Variants in GOT1 observed in about 807,000 individuals in gnomAD.
The protein encoded by GOT1 is aspartate aminotransferase, cytoplasmic.
In GOT1, 25 loss-of-function variants were observed where a neutral mutation model predicts 48.2. The observed-to-expected ratio is 0.52, with a 90% CI of 0.38 to 0.72. The LOEUF (loss-of-function observed/expected upper bound fraction) is 0.72, where lower values mean the gene tolerates loss of function less well. GOT1 is among the 30% of genes least tolerant of loss of function. GOT1 has a pLI of 0.00. For synonymous variants in GOT1, 188 were observed against 193.8 expected (o/e 0.97, Z 0.25); for missense variants, 380 against 520.1 (o/e 0.73, Z 2.62).
At chr10:99,403,932 C>T in intron 5 of GOT1, 58 bp from the exon 6 acceptor site, 3 of 1,561,278 alleles carry the variant, frequency 1.9e-6, no homozygotes, top group South Asian at 2.2e-5. Flanking sequence ...ACCTCAGACA[C>T]CGGCCTTCCT....
At chr10:99,413,935 A>T (rs1314433564) in intron 2 of GOT1, among the ~76,000 whole-genome samples, 1 of 152,250 alleles carries the variant, frequency 6.6e-6, no homozygotes, top group African/African-American at 2.4e-5. Flanking sequence ...GAGCTCCTGA[A>T]GGAAGCACTA....
intron 2 of GOT1, among the ~76,000 whole-genome samples, chr10:99,407,796 T>TTTAC: frequency 6.6e-6 from 1 of 151,354 alleles, no homozygotes; most frequent in East Asian, 1.9e-4. Flanking sequence ...TATTTATTTA[T>TTTAC]TTATTTATTT....
intron 2 of GOT1, among the ~76,000 whole-genome samples, chr10:99,417,122 T>C (rs1329800278): frequency 6.6e-6 from 1 of 152,128 alleles, no homozygotes; most frequent in African/African-American, 2.4e-5. Context: ...CAAAAGAAAC[T>C]ACCATCAGAG....
At chr10:99,400,583 C>T (rs1385614790) in intron 8 of GOT1, among the ~76,000 whole-genome samples, 1 of 151,950 alleles carries the variant, frequency 6.6e-6, no homozygotes, top group Non-Finnish European at 1.5e-5. Context: ...GTTGCAGTGG[C>T]CCGAGATTGC....
At chr10:99,406,994 C>A in intron 2 of GOT1, 145 bp from the exon 3 acceptor site, 1 of 711,056 alleles carries the variant, frequency 1.4e-6, no homozygotes, top group Admixed American at 2.7e-5. Context: ...CTTACAACTA[C>A]TACATGAAAA....
chr10:99,419,349 A>G (rs1053851283), intron 2 of GOT1, among the ~76,000 whole-genome samples: 9 of 152,114 alleles, frequency 5.9e-5, no homozygotes, highest in African/African-American at 2.2e-4. Context: ...TTCTTCAAAC[A>G]ACACTTTTAT....
rs530841897 is a variant in GOT1 at position 99,398,814 on chromosome 10, A to G, written c.1103-1128T>C. On this transcript the variant is annotated intron_variant, in intron 8 of 8. Transcript: ENST00000370508. ...TGCCAGGCAGTGTTCTAAGCACTGC[A>G]TCTTAGTTCATCCTGATAATAACTT... Among the ~76,000 whole-genome samples the G allele has an allele frequency of 2.9e-3, 443 of 152,338 alleles. 8 individuals are homozygous for G. The highest frequency in any genetic ancestry group is 8.7e-3 in the South Asian group (42 of 4,822).
intron 5 of GOT1, 89 bp from the exon 6 acceptor site, chr10:99,403,963 G>T: frequency 1.6e-6 from 2 of 1,271,900 alleles, no homozygotes; most frequent in Non-Finnish European, 2.3e-6. Context: ...ATGCCTGGAG[G>T]GAATTTCAAA....
At chr10:99,398,304 A>T (rs926675174) in intron 8 of GOT1, among the ~76,000 whole-genome samples, 1 of 152,242 alleles carries the variant, frequency 6.6e-6, no homozygotes, top group Non-Finnish European at 1.5e-5. Flanking sequence ...GGGTAAGAAG[A>T]GACTACCTGT....
Position 99,406,698 on chromosome 10 carries a change from T to C in GOT1, c.424+28A>G, listed in dbSNP as rs751082294. 28 of 1,607,166 alleles carry C rather than the reference T, an allele frequency of 1.7e-5. No homozygotes were observed. The East Asian group carries it at 4.9e-4, about 28-fold the overall frequency. On this transcript the variant is annotated intron_variant, in intron 3 of 8. Coordinates refer to ENST00000370508, the MANE Select transcript of GOT1 (RefSeq NM_002079.3). The stretch of plus-strand genomic sequence containing the variant: ...GGATAATTCTCTCTGGTTTCTGTTT[T>C]TCCTCTCACTTCAGCTGAAAGACTC...
chr10:99,403,995 C>A, intron 5 of GOT1, 121 bp from the exon 6 acceptor site: 1 of 883,214 alleles, frequency 1.1e-6, no homozygotes, highest in Non-Finnish European at 1.8e-6. Context: ...TCTCCTATTT[C>A]TTGACTATAT....
chr10:99,417,554 A>G (rs925029555), intron 2 of GOT1, among the ~76,000 whole-genome samples: 2 of 152,184 alleles, frequency 1.3e-5, no homozygotes, highest in Non-Finnish European at 2.9e-5. Flanking sequence ...TAGAAATACC[A>G]TTTTCCCAGC....
At chr10:99,410,899 AAGCT>A (rs2032820487) in intron 2 of GOT1, among the ~76,000 whole-genome samples, 1 of 152,204 alleles carries the variant, frequency 6.6e-6, no homozygotes, top group Admixed American at 6.5e-5. Flanking sequence ...ACTTGGTATG[AAGCT>A]AGATAGAGCA....
At position 99,405,789 on chromosome 10, in the gene GOT1, C is replaced by T. The variant is rs139505253; in HGVS notation, c.609G>A (p.Pro203=). 3.2e-5 allele frequency: 51 copies of T among 1,606,756 alleles called. No individual in the cohort carries two copies. The highest frequency in any genetic ancestry group is 3.9e-5 in the Non-Finnish European group (46 of 1,173,426). ...CAGAAGCAATCTGCTTCCACTGCTC[C>T]GGAGTTGGGTCAATCCCAGTTGGGT... ...AHNPTGIDPT[P]EQWKQIASVM... is the part of the protein sequence containing the mutation. Residue 203 remains proline (P), a synonymous_variant, in exon 5 of 9, where the codon CCG becomes CCA. Transcript: ENST00000370508.
In GOT1 at chr10:99,403,836, C is replaced by G; in HGVS notation, c.681G>C (p.Gln227His). ...TCTCCAGGTTTCCAGATGCGAAGCC[C>G]TGATAGGCTGAGTCAAAGAAGGGGA... ...FLFPFFDSAY[Q>H]GFASGNLERD... The change falls in exon 6 of 9, where the codon CAG becomes CAC. Residue 227 changes from glutamine (Q) to histidine (H), a missense_variant. Coordinates refer to ENST00000370508, the MANE Select transcript of GOT1 (RefSeq NM_002079.3). 3 of 1,614,036 alleles carry G rather than the reference C, an allele frequency of 1.9e-6. No individual in the cohort carries two copies. The highest frequency in any genetic ancestry group is 2.5e-6 in the Non-Finnish European group (3 of 1,180,016).
intron 1 of GOT1, among the ~76,000 whole-genome samples, chr10:99,428,853 C>T (rs545987708): frequency 1.3e-5 from 2 of 152,272 alleles, no homozygotes; most frequent in Non-Finnish European, 1.5e-5. Context: ...CATCATTTTC[C>T]CTCAATGGGC....
intron 1 of GOT1, chr10:99,430,225 G>C (rs959212375): frequency 1.5e-6 from 2 of 1,334,700 alleles, no homozygotes; most frequent in African/African-American, 2.9e-5. Flanking sequence ...GCTACACCTG[G>C]TTTGTGCGGC....
intron 1 of GOT1, among the ~76,000 whole-genome samples, chr10:99,425,680 G>A (rs1351951949): frequency 6.6e-6 from 1 of 152,158 alleles, no homozygotes; most frequent in African/African-American, 2.4e-5. Context: ...TGACTCCAAG[G>A]TCTCCCTCAA....
Position 99,404,067 on chromosome 10 carries a change from A to T in GOT1, c.643-193T>A, listed in dbSNP as rs79258886. Among the ~76,000 whole-genome samples, 41 of 152,340 alleles carry T rather than the reference A, an allele frequency of 2.7e-4. 1 individual carries two copies. In the East Asian group the frequency reaches 7.9e-3, roughly 29 times the overall value. On this transcript the variant is annotated intron_variant, in intron 5 of 8. Coordinates refer to ENST00000370508, the MANE Select transcript of GOT1 (RefSeq NM_002079.3). ...AACCAACAAGTGTAACCTTTTCCGT[A>T]AACTTTACTTTTTAAAAGTAAATTG...
Sources: gnomAD v4.1 joint callset for allele counts (sites outside exome capture counted in the v4.1 genomes callset) on GRCh38, gnomAD v4.1.1 for gene constraint, MANE v1.5 for transcripts, NCBI Gene and HGNC (gene_info 2026-07-23, HGNC 2026-07-21) for gene names.